GABRA2: variants seen among roughly 807,000 people sequenced by gnomAD.
The protein encoded by GABRA2 is gamma-aminobutyric acid receptor subunit alpha-2.
GABRA2 carries 16 observed loss-of-function variants against 48.7 expected under a neutral mutation model. That is an observed-to-expected ratio of 0.33 (90% CI 0.22 to 0.50). The LOEUF is 0.50. Among genes scored for constraint, GABRA2 ranks in the 20% least tolerant of loss-of-function variants. The probability of loss-of-function intolerance (pLI) is 0.98; values close to 1 mark genes in which losing one functional copy is unlikely to be tolerated. For missense variants in GABRA2, 275 were observed against 535.6 expected (o/e 0.51, Z 4.80); for synonymous variants, 185 against 184.5 (o/e 1.00, Z -0.02).
intron 3 of GABRA2, among the ~76,000 whole-genome samples, chr4:46,352,051 A>G (rs1024039919): frequency 4.0e-5 from 6 of 151,844 alleles, no homozygotes; most frequent in Admixed American, 1.3e-4. Context: ...CAGCTCTCCA[A>G]GCAATTTTCA....
At position 46,243,975 on chromosome 4, in the gene GABRA2, A is replaced by C. The variant is rs1713238946; in HGVS notation, c.*6333T>G. 6.6e-6 allele frequency: 1 copy of C among 151,568 alleles called. No individual in the cohort carries two copies. The highest frequency in any genetic ancestry group is 2.4e-5 in the African/African-American group (1 of 41,412). The allele number at this position is 151,568 out of a possible 1,614,324, so 9.4% of individuals were successfully genotyped here. A position where few individuals can be genotyped will look rare whatever the true frequency, so the allele number is the denominator to read the frequency against. On this transcript the variant is annotated 3_prime_UTR_variant, in exon 10 of 10. Coordinates refer to ENST00000381620, the MANE Select transcript of GABRA2 (RefSeq NM_000807.4). ...TACTGGAAACATTTCATGAAAGGTG[A>C]TGTTCCTTAGTTTGAAGCACATCAA... is the stretch of plus-strand genomic sequence containing the variant.
At chr4:46,323,473 T>A (rs960160193) in intron 4 of GABRA2, among the ~76,000 whole-genome samples, 1 of 151,916 alleles carries the variant, frequency 6.6e-6, no homozygotes, top group Admixed American at 6.6e-5. Flanking sequence ...ACCACATTAA[T>A]CCATAAATAC....
chr4:46,293,684 A>G (rs547307887), intron 8 of GABRA2, among the ~76,000 whole-genome samples: 16 of 152,302 alleles, frequency 1.1e-4, no homozygotes, highest in African/African-American at 3.6e-4. Context: ...GGTGAACACT[A>G]TTATGGTGGA....
At chr4:46,378,228 T>TG (rs1415152489) in intron 3 of GABRA2, among the ~76,000 whole-genome samples, 1 of 151,590 alleles carries the variant, frequency 6.6e-6, no homozygotes, top group African/African-American at 2.4e-5. Flanking sequence ...GGGGGAAGGG[T>TG]GGGGAAAAGA....
chr4:46,318,546 A>G (rs1322641181), intron 4 of GABRA2, among the ~76,000 whole-genome samples: 3 of 151,692 alleles, frequency 2.0e-5, no homozygotes, highest in Non-Finnish European at 4.4e-5. Flanking sequence ...GATATTCTTG[A>G]AAAGTGCATT....
rs143293241 is a variant in GABRA2 at position 46,321,577 on chromosome 4, G to A, written c.256-8861C>T. Among the ~76,000 whole-genome samples the A allele has an allele frequency of 3.6e-3, 547 of 152,086 alleles. 2 individuals carry two copies. Among genetic ancestry groups the A allele is most frequent in the African/African-American group, 0.012 (497 of 41,522 alleles). On this transcript the variant is annotated intron_variant, in intron 4 of 9. Coordinates refer to ENST00000381620, the MANE Select transcript of GABRA2 (RefSeq NM_000807.4). ...ATAAGAAATAGATGTTAAAACACAA[G>A]TTCTCAAGTCGGGTAGATCAGGGTA...
At chr4:46,266,653 G>A (rs1718296947) in intron 8 of GABRA2, among the ~76,000 whole-genome samples, 1 of 150,386 alleles carries the variant, frequency 6.6e-6, no homozygotes, top group African/African-American at 2.4e-5. Flanking sequence ...GAGCTTCTTG[G>A]ATGTGCTGAT....
At chr4:46,339,051 A>AAGTG (rs1215636964) in intron 3 of GABRA2, among the ~76,000 whole-genome samples, 1 of 151,882 alleles carries the variant, frequency 6.6e-6, no homozygotes, top group African/African-American at 2.4e-5. Context: ...AGCAATGAGT[A>AAGTG]AGTGAGTGAG....
intron 8 of GABRA2, among the ~76,000 whole-genome samples, chr4:46,294,138 G>A (rs1013854870): frequency 3.9e-5 from 6 of 152,166 alleles, no homozygotes; most frequent in Non-Finnish European, 8.8e-5. Flanking sequence ...CTCTGGCTAT[G>A]TGTCATAATC....
rs570605535 is a variant in GABRA2, at chr4:46,378,013, C to T, written c.187+8061G>A. On this transcript the variant is annotated intron_variant, in intron 3 of 9. Transcript: ENST00000381620. ...GGGGTCAGCCCCCCGCCCGGCCAGC[C>T]GCCCCGTCCGGGAGGGAGGTGGGGG... 4.1e-3 allele frequency among the ~76,000 whole-genome samples: 601 copies of T among 147,534 alleles called. 9 individuals are homozygous for T. The highest frequency in any genetic ancestry group is 0.014 in the African/African-American group (533 of 39,136).
chr4:46,328,446 C>T (rs1049898632), intron 4 of GABRA2, among the ~76,000 whole-genome samples: 12 of 150,920 alleles, frequency 8.0e-5, no homozygotes, highest in African/African-American at 2.7e-4. Flanking sequence ...TGCTACTGAC[C>T]GTGCACACTG....
rs1248205205 is a variant in GABRA2 at position 46,378,022 on chromosome 4, C to G, written c.187+8052G>C. The stretch of plus-strand genomic sequence containing the variant: ...CCCCCGCCCGGCCAGCCGCCCCGTC[C>G]GGGAGGGAGGTGGGGGGTTCAGCCC... On this transcript the variant is annotated intron_variant, in intron 3 of 9. Coordinates refer to ENST00000381620, the MANE Select transcript of GABRA2 (RefSeq NM_000807.4). Among the ~76,000 whole-genome samples, 12 of 141,770 alleles carry G rather than the reference C, an allele frequency of 8.5e-5. No individual in the cohort carries two copies. The East Asian group carries it at 1.1e-3, about 13-fold the overall frequency. 93.0% of individuals were successfully genotyped at this position (141,770 alleles called of 152,430 possible).
At chr4:46,258,552 A>G (rs763323591) in intron 9 of GABRA2, among the ~76,000 whole-genome samples, 3 of 151,830 alleles carry the variant, frequency 2.0e-5, no homozygotes, top group Admixed American at 6.6e-5. Context: ...AAACAGCATT[A>G]AAGAAAGCAG....
intron 9 of GABRA2, 130 bp from the exon 10 acceptor site, chr4:46,250,734 T>C (rs1013256553): frequency 3.1e-6 from 2 of 648,954 alleles, no homozygotes; most frequent in Non-Finnish European, 5.1e-6. Context: ...AAACAGAAAT[T>C]AGGAAAATAA....
intron 8 of GABRA2, among the ~76,000 whole-genome samples, chr4:46,301,465 T>A (rs1435338337): frequency 3.3e-5 from 5 of 152,200 alleles, no homozygotes; most frequent in Non-Finnish European, 7.3e-5. Flanking sequence ...CGATGACCTA[T>A]AAGGCCCTTC....
At chr4:46,342,678 T>C (rs1409770820) in intron 3 of GABRA2, among the ~76,000 whole-genome samples, 2 of 152,036 alleles carry the variant, frequency 1.3e-5, no homozygotes, top group South Asian at 2.1e-4. Flanking sequence ...GAAAAGGTCT[T>C]ACTCTGGTGC....
chr4:46,319,315 TA>T (rs557329709), intron 4 of GABRA2, among the ~76,000 whole-genome samples: 15 of 151,950 alleles, frequency 9.9e-5, no homozygotes, highest in African/African-American at 3.6e-4. Context: ...ATTTCTCATT[TA>T]CTTTGATTTT....
At chr4:46,342,172 A>G (rs1733354335) in intron 3 of GABRA2, among the ~76,000 whole-genome samples, 1 of 152,082 alleles carries the variant, frequency 6.6e-6, no homozygotes, top group South Asian at 2.1e-4. Context: ...TTAAAATGAC[A>G]CAAAGCTCAA....
At position 46,389,946 on chromosome 4, in the gene GABRA2, G is replaced by C. The variant is rs908233661; in HGVS notation, c.-222C>G. 12 of 988,432 alleles carry C rather than the reference G, an allele frequency of 1.2e-5. No homozygotes were observed. Among genetic ancestry groups the C allele is most frequent in the African/African-American group, 1.8e-5 (1 of 56,972 alleles). 61.2% of individuals were successfully genotyped at this position (988,432 alleles called of 1,614,324 possible). On this transcript the variant is annotated 5_prime_UTR_variant, in exon 1 of 10. Transcript: ENST00000381620. ...GCGCTAGGAGCCGCGGCGGCGGCGC[G>C]AGGTGTAGAAGGAGGCGAAGGCGTT...
Sources: allele counts gnomAD v4.1 joint callset (sites outside exome capture counted in the v4.1 genomes callset), GRCh38; gene constraint gnomAD v4.1.1; transcripts MANE v1.5; gene names NCBI Gene and HGNC (gene_info 2026-07-23, HGNC 2026-07-21).